The following PATJ variants were observed in gnomAD, a reference collection of about 807,000 sequenced individuals.
PATJ encodes PATJ crumbs cell polarity complex component, also known as inaD-like protein.
Under a neutral mutation model 224.9 loss-of-function variants are expected in PATJ, and 190 were observed. The observed-to-expected ratio is 0.84, with a 90% CI of 0.75 to 0.95. The LOEUF is 0.95. Ranked by LOEUF, PATJ falls within the 40% of genes least tolerant of loss-of-function variation. The pLI is 0.00. For synonymous variants in PATJ, 769 were observed against 820.3 expected (o/e 0.94, Z 1.07); for missense variants, 2,121 against 2,270.3 (o/e 0.93, Z 1.34).
chr1:62,002,896 T>A (rs1645874133), intron 28 of PATJ, among the ~76,000 whole-genome samples: 1 of 152,212 alleles, frequency 6.6e-6, no homozygotes, highest in African/African-American at 2.4e-5. Context: ...GGTGGGGTTC[T>A]AATTAGATCA....
chr1:61,872,152 CCTT>C (rs1666730145), intron 20 of PATJ, among the ~76,000 whole-genome samples: 1 of 152,176 alleles, frequency 6.6e-6, no homozygotes, highest in African/African-American at 2.4e-5. Context: ...CAAATTACAA[CCTT>C]CTTCTTTTTA....
At chr1:61,855,660 T>G (rs1407853100) in intron 17 of PATJ, among the ~76,000 whole-genome samples, 1 of 152,182 alleles carries the variant, frequency 6.6e-6, no homozygotes, top group Non-Finnish European at 1.5e-5. Flanking sequence ...GCAATCCTCC[T>G]GCCTTGGCCT....
chr1:61,997,984 ATATATGTATATATAATATAT>A (rs1558014334), intron 28 of PATJ, among the ~76,000 whole-genome samples: 1 of 72,972 alleles, frequency 1.4e-5, no homozygotes, highest in Non-Finnish European at 2.6e-5. Context: ...TGCCCAGCTT[ATATATGTATATATAATATAT>A]TATATATATT....
chr1:61,823,160 G>A, intron 15 of PATJ, 81 bp downstream of exon 15: 4 of 1,412,794 alleles, frequency 2.8e-6, no homozygotes, highest in Non-Finnish European at 3.9e-6. Context: ...AATCCCCTGA[G>A]TTATAGTGTC....
At position 61,769,271 on chromosome 1, in the gene PATJ, C is replaced by T; in HGVS notation, c.385-12C>T. ...ACACCATTGACTTTTTTTTTTAACG[C>T]TCCTTCATTAGGGCCGGCAAATTGA... On this transcript the variant is annotated splice_polypyrimidine_tract_variant and intron_variant, in intron 4 of 43. Coordinates refer to ENST00000642238, the MANE Select transcript of PATJ (RefSeq NM_001350145.3). 1.3e-6 allele frequency: 2 copies of T among 1,588,114 alleles called. No individual in the cohort carries two copies. Among genetic ancestry groups the T allele is most frequent in the Non-Finnish European group, 8.5e-7 (1 of 1,171,276 alleles).
chr1:61,915,796 A>G (rs1205706587), intron 26 of PATJ, among the ~76,000 whole-genome samples: 3 of 151,678 alleles, frequency 2.0e-5, no homozygotes. Context: ...TCCTGGGTTC[A>G]AGGGATTCTC....
intron 33 of PATJ, among the ~76,000 whole-genome samples, chr1:62,106,158 G>GTATATGTATATATATA (rs1662999540): frequency 2.1e-5 from 1 of 48,064 alleles, no homozygotes; most frequent in African/African-American, 7.1e-5. Flanking sequence ...GTGTGTGTGT[G>GTATATGTATATATATA]TATATATATA....
chr1:61,795,089 A>G (rs1261919126), intron 9 of PATJ, among the ~76,000 whole-genome samples: 1 of 143,110 alleles, frequency 7.0e-6, no homozygotes, highest in Non-Finnish European at 1.5e-5. Context: ...GACTCTTGTC[A>G]TAGTGATGGT....
At chr1:61,936,432 C>CA (rs11455787) in intron 27 of PATJ, among the ~76,000 whole-genome samples, 61,611 of 92,568 alleles carry the variant, frequency 0.67, 18,746 homozygotes, top group East Asian at 0.81. Context: ...CTTCCAAGAC[C>CA]AAAAAAAAAA....
In PATJ at chr1:61,953,180, T is replaced by G. The variant is rs554061581; in HGVS notation, c.3670+25351T>G. The stretch of plus-strand genomic sequence containing the variant: ...TTTTGCCTGACTTAAAAAATTAATT[T>G]CTTAAAATCAGAGCTTCTTTTTATC... On this transcript the variant is annotated intron_variant, in intron 27 of 43. Coordinates refer to ENST00000642238, the MANE Select transcript of PATJ (RefSeq NM_001350145.3). 2.9e-4 allele frequency among the ~76,000 whole-genome samples: 44 copies of G among 152,328 alleles called. 1 individual carries two copies. Among genetic ancestry groups the G allele is most frequent in the African/African-American group, 1.1e-3 (44 of 41,582 alleles).
chr1:62,040,424 A>G (rs951550450), intron 30 of PATJ, among the ~76,000 whole-genome samples: 1 of 152,146 alleles, frequency 6.6e-6, no homozygotes, highest in Non-Finnish European at 1.5e-5. Flanking sequence ...AGGGCTGAGT[A>G]GGAAGTGGGG....
At chr1:61,912,775 C>T (rs965228482) in intron 25 of PATJ, among the ~76,000 whole-genome samples, 6 of 152,046 alleles carry the variant, frequency 3.9e-5, no homozygotes, top group African/African-American at 1.4e-4. Flanking sequence ...CATTCTGTCT[C>T]ATCCCAAAGC....
chr1:61,899,727 A>C, intron 23 of PATJ, 73 bp downstream of exon 23: 6 of 1,003,482 alleles, frequency 6.0e-6, no homozygotes, highest in Non-Finnish European at 9.0e-6. Flanking sequence ...ACTTAACAGA[A>C]CATTATTTAG....
chr1:62,090,679 T>G (rs144526377), intron 33 of PATJ, among the ~76,000 whole-genome samples: 198 of 152,314 alleles, frequency 1.3e-3, no homozygotes, highest in Non-Finnish European at 2.5e-3. Flanking sequence ...CTTCCTGTCT[T>G]CTATCTCCCT....
In PATJ at chr1:62,018,047, G is replaced by C; in HGVS notation, c.3959+100G>C. 1 of 655,346 alleles carries C rather than the reference G, an allele frequency of 1.5e-6. No individual in the cohort carries two copies. The highest frequency in any genetic ancestry group is 1.8e-5 in the African/African-American group (1 of 55,978). The allele number at this position is 655,346 out of a possible 1,614,324, so 40.6% of individuals were successfully genotyped here. A position where few individuals can be genotyped will look rare whatever the true frequency, so the allele number is the denominator to read the frequency against. On this transcript the variant is annotated intron_variant, in intron 29 of 43. Coordinates refer to ENST00000642238, the MANE Select transcript of PATJ (RefSeq NM_001350145.3). The surrounding 1 kb of genome is among the most constrained non-coding windows in gnomAD (Gnocchi z 4.2). ...CTTTGATTTGTCTAGCGAAATCACTGTTCCTTCTAAAAACATATATTCCTT... is the reference window on the plus strand; with the variant it reads ...CTTTGATTTGTCTAGCGAAATCACTCTTCCTTCTAAAAACATATATTCCTT...
chr1:61,982,934 A>G (rs1644530064), intron 27 of PATJ, among the ~76,000 whole-genome samples: 1 of 151,968 alleles, frequency 6.6e-6, no homozygotes, highest in African/African-American at 2.4e-5. Context: ...TTACTTTTGT[A>G]CCAACCTAAT....
intron 26 of PATJ, among the ~76,000 whole-genome samples, chr1:61,923,534 A>G (rs1674643150): frequency 6.6e-6 from 1 of 152,134 alleles, no homozygotes; most frequent in African/African-American, 2.4e-5. Context: ...AAAGCAAGAC[A>G]TGTTCTCTAG....
In PATJ at chr1:62,121,244, C is replaced by G. The variant is rs199814452; in HGVS notation, c.4954C>G (p.Gln1652Glu). Residue 1652 changes from glutamine to glutamate, a missense_variant, in exon 38 of 44, where the codon CAA becomes GAA. By Grantham distance (29) the Gln-to-Glu change is conservative (BLOSUM62 2). Transcript: ENST00000642238. ...PSFAPVITGL[Q>E]NLVGTKRVSD... ...CTTCGCTCCTGTCATCACTGGCCTG[C>G]AAAACCTGGTTGGCACAAAAAGAGT... The G allele has an allele frequency of 4.3e-6, 7 of 1,613,442 alleles. No individual in the cohort carries two copies. Among genetic ancestry groups the G allele is most frequent in the Non-Finnish European group, 5.9e-6 (7 of 1,179,960 alleles).
intron 20 of PATJ, among the ~76,000 whole-genome samples, chr1:61,874,018 C>G (rs1667017579): frequency 6.6e-6 from 1 of 152,014 alleles, no homozygotes; most frequent in Admixed American, 6.5e-5. Flanking sequence ...GTCCGTGTGC[C>G]TAATTCTTCC....
Sources: allele counts gnomAD v4.1 joint callset (sites outside exome capture counted in the v4.1 genomes callset), GRCh38; gene constraint gnomAD v4.1.1; non-coding constraint Gnocchi (gnomAD v3.1); transcripts MANE v1.5; gene names NCBI Gene and HGNC (gene_info 2026-07-23, HGNC 2026-07-21).